Variants in KCND3 observed in about 807,000 individuals in gnomAD.
The protein encoded by KCND3 is potassium voltage-gated channel subfamily D member 3, also known as A-type voltage-gated potassium channel KCND3.
KCND3 carries 9 observed loss-of-function variants against 51.1 expected under a neutral mutation model. The ratio of observed to expected loss-of-function variants is 0.18; its 90% CI spans 0.11 to 0.31. The LOEUF is 0.31. KCND3 is among the 10% of genes least tolerant of loss of function. The probability of loss-of-function intolerance (pLI) is 1.00; values close to 1 mark genes in which losing one functional copy is unlikely to be tolerated. For synonymous variants in KCND3, 349 were observed against 368.0 expected, an observed-to-expected ratio of 0.95 and a Z score of 0.59; for missense variants, 526 against 903.8, an observed-to-expected ratio of 0.58 and a Z score of 5.36.
chr1:111,831,143 G>A (rs1250240410), intron 2 of KCND3, among the ~76,000 whole-genome samples: 1 of 152,216 alleles, frequency 6.6e-6, no homozygotes, highest in Non-Finnish European at 1.5e-5. Context: ...TGTAGGGAAA[G>A]AGAAAATTGA....
At chr1:111,879,003 A>C (rs902592618) in intron 2 of KCND3, among the ~76,000 whole-genome samples, 1 of 152,148 alleles carries the variant, frequency 6.6e-6, no homozygotes, top group Admixed American at 6.5e-5. Flanking sequence ...AAGAAGAGAA[A>C]ATTCTTCCTG....
chr1:111,971,295 C>CAAAAAA (rs3058881), intron 2 of KCND3, among the ~76,000 whole-genome samples: 1 of 134,858 alleles, frequency 7.4e-6, no homozygotes, highest in African/African-American at 2.8e-5. Flanking sequence ...TTGCAGGAGG[C>CAAAAAA]AAAAAAAAAA....
rs1378522672 is a variant in KCND3 at position 111,770,946 on chromosome 1, C to A, written c.*5131G>T. 6.6e-6 allele frequency: 1 copy of A among 152,064 alleles called. No individual in the cohort carries two copies. Among genetic ancestry groups the A allele is most frequent in the Non-Finnish European group, 1.5e-5 (1 of 68,022 alleles). 9.4% of individuals were successfully genotyped at this position (152,064 alleles called of 1,614,324 possible). ...ATAGAAAAGAACACACTTGATGTAT[C>A]TCACGATGACATTAATGGGGGGAAG... On this transcript the variant is annotated 3_prime_UTR_variant, in exon 8 of 8. Coordinates refer to ENST00000302127, the MANE Select transcript of KCND3 (RefSeq NM_001378969.1).
chr1:111,982,432 G>A lies in KCND3; in HGVS notation c.295C>T (p.Arg99Cys), dbSNP rs1444134502. ...EVFRCVLNFYRTGKLHYPRYE... is the reference protein window; with the variant it reads ...EVFRCVLNFYCTGKLHYPRYE... Reference sequence around the variant, plus strand: ...CGCGGGTAGTGCAGCTTCCCCGTGCGGTAGAAGTTGAGCACGCAGCGGAAC... The same window carrying A: ...CGCGGGTAGTGCAGCTTCCCCGTGCAGTAGAAGTTGAGCACGCAGCGGAAC... The change falls in exon 2 of 8, where the codon CGC (arginine) becomes TGC (cysteine). Residue 99 changes from arginine (R) to cysteine (C), a missense_variant. Around this residue, in one of 5 missense-constraint regions of KCND3, gnomAD observed 159 missense variants for 262.8 expected, o/e 0.61. Transcript: ENST00000302127. The surrounding 1 kb of genome is among the most constrained non-coding windows in gnomAD (Gnocchi z 8.5). 9 of 1,613,892 alleles carry A rather than the reference G, an allele frequency of 5.6e-6. No homozygotes were observed. Among genetic ancestry groups the A allele is most frequent in the Non-Finnish European group, 7.6e-6 (9 of 1,179,890 alleles).
At chr1:111,986,177 G>C (rs1464786695) in intron 1 of KCND3, among the ~76,000 whole-genome samples, 1 of 152,218 alleles carries the variant, frequency 6.6e-6, no homozygotes, top group Admixed American at 6.5e-5. Context: ...TTCCAATTCA[G>C]AGTTGGTTAA....
chr1:111,825,419 A>G (rs1165239031), intron 2 of KCND3, among the ~76,000 whole-genome samples: 1 of 152,206 alleles, frequency 6.6e-6, no homozygotes, highest in Non-Finnish European at 1.5e-5. Context: ...TGTTGATTGT[A>G]GCTCTGCCCA....
chr1:111,781,406 G>T (rs939769442), intron 3 of KCND3, among the ~76,000 whole-genome samples: 4 of 152,158 alleles, frequency 2.6e-5, no homozygotes, highest in African/African-American at 9.7e-5. Flanking sequence ...GAGGGCAGGA[G>T]TTTTTGCCTT....
chr1:111,967,149 A>C (rs1174021714), intron 2 of KCND3, among the ~76,000 whole-genome samples: 2 of 151,070 alleles, frequency 1.3e-5, no homozygotes, highest in African/African-American at 2.4e-5. Context: ...TCAAAAAAAA[A>C]AAAACAAAAA....
chr1:111,877,771 A>C (rs374923889), intron 2 of KCND3, among the ~76,000 whole-genome samples: 1 of 152,212 alleles, frequency 6.6e-6, no homozygotes, highest in Non-Finnish European at 1.5e-5. Flanking sequence ...TCTTGAAATA[A>C]GTTCATCCCC....
intron 2 of KCND3, among the ~76,000 whole-genome samples, chr1:111,862,962 G>T (rs1232373681): frequency 6.6e-6 from 1 of 152,174 alleles, no homozygotes; most frequent in Non-Finnish European, 1.5e-5. Context: ...TCCCATCTAG[G>T]CACCTTGGCA....
chr1:111,784,921 T>G (rs576182358), intron 3 of KCND3, among the ~76,000 whole-genome samples: 3 of 152,172 alleles, frequency 2.0e-5, no homozygotes, highest in Admixed American at 6.5e-5. Context: ...CAGGATGAGC[T>G]TTATAATGTC....
chr1:111,830,456 C>T (rs1388914242), intron 2 of KCND3, among the ~76,000 whole-genome samples: 2 of 152,144 alleles, frequency 1.3e-5, no homozygotes, highest in Non-Finnish European at 2.9e-5. Context: ...TTTTTCCCGC[C>T]TGACCAGGCT....
chr1:111,931,026 A>G (rs889322509), intron 2 of KCND3, among the ~76,000 whole-genome samples: 4 of 152,248 alleles, frequency 2.6e-5, no homozygotes, highest in Admixed American at 1.3e-4. Context: ...GATCCACAGC[A>G]CATCCAGCAC....
chr1:111,873,870 C>A (rs1240343360), intron 2 of KCND3, among the ~76,000 whole-genome samples: 1 of 151,764 alleles, frequency 6.6e-6, no homozygotes, highest in African/African-American at 2.4e-5. Flanking sequence ...AAATATCTGG[C>A]ACAAGCAGGG....
intron 3 of KCND3, among the ~76,000 whole-genome samples, chr1:111,785,102 G>A (rs1664550700): frequency 6.6e-6 from 1 of 152,112 alleles, no homozygotes; most frequent in Non-Finnish European, 1.5e-5. Context: ...GTAGCTGTAG[G>A]AGCCACTGAG....
intron 2 of KCND3, among the ~76,000 whole-genome samples, chr1:111,885,857 G>A (rs1269901733): frequency 2.0e-5 from 3 of 152,114 alleles, no homozygotes; most frequent in Admixed American, 1.3e-4. Context: ...ATTTTTAGTA[G>A]AGATGGGGTT....
chr1:111,869,234 G>A (rs1668728164), intron 2 of KCND3, among the ~76,000 whole-genome samples: 1 of 152,124 alleles, frequency 6.6e-6, no homozygotes, highest in African/African-American at 2.4e-5. Flanking sequence ...TTTAAAAAAT[G>A]AGCTCATGAG....
intron 2 of KCND3, among the ~76,000 whole-genome samples, chr1:111,907,532 C>T (rs75626161): frequency 0.025 from 3,798 of 152,320 alleles, 66 homozygotes; most frequent in Middle Eastern, 0.041. Flanking sequence ...GTGACTGCAG[C>T]TCTGGCTGAC....
chr1:111,836,356 C>A (rs1482620612), intron 2 of KCND3, among the ~76,000 whole-genome samples: 1 of 152,214 alleles, frequency 6.6e-6, no homozygotes, highest in African/African-American at 2.4e-5. Flanking sequence ...CTCGCACCAG[C>A]CCGATCGCAC....
Sources: allele counts gnomAD v4.1 joint callset (sites outside exome capture counted in the v4.1 genomes callset), GRCh38; gene constraint gnomAD v4.1.1; regional missense constraint gnomAD v4.1.1; non-coding constraint Gnocchi (gnomAD v3.1); transcripts MANE v1.5; gene names NCBI Gene and HGNC (gene_info 2026-07-23, HGNC 2026-07-21).